Variants in DNAI1 observed in about 807,000 individuals in gnomAD.
The protein encoded by DNAI1 is dynein, axonemal, intermediate polypeptide 1.
DNAI1 carries 67 observed loss-of-function variants against 92.0 expected under a neutral mutation model. That is an observed-to-expected ratio of 0.73 (90% confidence interval 0.60 to 0.89). The LOEUF is 0.89. DNAI1 is among the 40% of genes least tolerant of loss of function. DNAI1 has a pLI of 0.00. For missense variants in DNAI1, 839 were observed against 866.6 expected, an observed-to-expected ratio of 0.97 and a Z score of 0.40; for synonymous variants, 323 against 319.6, an observed-to-expected ratio of 1.01 and a Z score of -0.11.
rs780833485 is a variant in DNAI1, at chr9:34,485,254, C to T, written c.180+14C>T. ...TTGACCGATGCGGTGAGTGAGTAGCCTCTTGTTCTTGCTCCTTGTACCTCT... is the reference window on the plus strand; with the variant it reads ...TTGACCGATGCGGTGAGTGAGTAGCTTCTTGTTCTTGCTCCTTGTACCTCT... On this transcript the variant is annotated intron_variant, in intron 3 of 19. Coordinates refer to ENST00000242317, the MANE Select transcript of DNAI1 (RefSeq NM_012144.4). 10 of 1,613,996 alleles carry T rather than the reference C, an allele frequency of 6.2e-6. No individual in the cohort carries two copies. In the South Asian group the frequency reaches 9.9e-5, roughly 16 times the overall value.
chr9:34,467,335 T>C (rs1824056212), intron 1 of DNAI1, among the ~76,000 whole-genome samples: 1 of 152,190 alleles, frequency 6.6e-6, no homozygotes, highest in South Asian at 2.1e-4. Context: ...TGATGGCTCA[T>C]GGCTGTAATC....
Position 34,490,422 on chromosome 9 carries a change from G to A in DNAI1, c.555G>A (p.Glu185=). ...TGATGACTCCTAAGCAGCCCAAGGA[G>A]AGAAAGCTCACTAACCAGTTCAACT... ...EELMTPKQPK[E]RKLTNQFNFS... is the part of the protein sequence containing the mutation. The change falls in exon 7 of 20, where the codon GAG becomes GAA. Residue 185 remains glutamate, a synonymous_variant. Transcript: ENST00000242317. The A allele has an allele frequency of 6.2e-7, 1 of 1,614,232 alleles. No individual in the cohort carries two copies. The highest frequency in any genetic ancestry group is 1.3e-5 in the African/African-American group (1 of 75,060).
intron 1 of DNAI1, among the ~76,000 whole-genome samples, chr9:34,460,076 C>A (rs75841850): frequency 0.022 from 3,279 of 152,298 alleles, 91 homozygotes; most frequent in East Asian, 0.12. Flanking sequence ...ATGATTCATT[C>A]AGCTATGTGA....
rs1177523418 is a variant in DNAI1 at position 34,501,023 on chromosome 9, G to A, written c.1020-115G>A. 4 of 1,036,208 alleles carry A rather than the reference G, an allele frequency of 3.9e-6. No individual in the cohort carries two copies. The East Asian group carries it at 7.1e-5, about 18-fold the overall frequency. The allele number at this position is 1,036,208 out of a possible 1,614,324, so 64.2% of individuals were successfully genotyped here. ...GGACTCCCAAGTGGTGAGGGCCTAA[G>A]CTGGAGAACAGATGTCTGTAGTATA... On this transcript the variant is annotated intron_variant, in intron 11 of 19. Coordinates refer to ENST00000242317, the MANE Select transcript of DNAI1 (RefSeq NM_012144.4).
chr9:34,466,316 A>T (rs146418969), intron 1 of DNAI1, among the ~76,000 whole-genome samples: 8 of 152,228 alleles, frequency 5.3e-5, no homozygotes, highest in Non-Finnish European at 1.0e-4. Flanking sequence ...TTATTCTTAC[A>T]TCACATCCAT....
intron 1 of DNAI1, among the ~76,000 whole-genome samples, chr9:34,477,924 C>CTT (rs74180566): frequency 1.2e-4 from 6 of 49,016 alleles, no homozygotes; most frequent in African/African-American, 2.2e-4. Context: ...CTCTCTCTCT[C>CTT]TTTTTTTTTT....
chr9:34,480,535 G>C (rs1824331912), intron 1 of DNAI1, among the ~76,000 whole-genome samples: 1 of 151,866 alleles, frequency 6.6e-6, no homozygotes, highest in African/African-American at 2.4e-5. Flanking sequence ...ACCTCAGCCT[G>C]GGATTACAGG....
chr9:34,508,581 G>A (rs1362134919), intron 13 of DNAI1, among the ~76,000 whole-genome samples: 1 of 152,138 alleles, frequency 6.6e-6, no homozygotes, highest in Non-Finnish European at 1.5e-5. Flanking sequence ...GCCCAGCCCT[G>A]CCCCTGCTTT....
chr9:34,490,538 C>T, intron 7 of DNAI1, 50 bp downstream of exon 7: 1 of 1,612,736 alleles, frequency 6.2e-7, no homozygotes, highest in South Asian at 1.1e-5. Flanking sequence ...CTGTGCCTGG[C>T]AGGGAAGAAG....
intron 1 of DNAI1, among the ~76,000 whole-genome samples, chr9:34,473,669 A>T (rs893925410): frequency 6.6e-6 from 1 of 152,106 alleles, no homozygotes; most frequent in Non-Finnish European, 1.5e-5. Context: ...CCTATTAGCA[A>T]TTTTCAAGAA....
At chr9:34,460,743 A>C (rs1016584290) in intron 1 of DNAI1, among the ~76,000 whole-genome samples, 3 of 151,872 alleles carry the variant, frequency 2.0e-5, no homozygotes, top group African/African-American at 4.8e-5. Context: ...GTTCACTGCA[A>C]CCTCCACCTC....
Position 34,491,573 on chromosome 9 carries a change from C to T in DNAI1, c.681+19C>T. Reference sequence around the variant, plus strand: ...CAATCAGGTAAGACCCTGGGCCAGCCTGAAACCTCTTACCACCCACCTCTA... The same window carrying T: ...CAATCAGGTAAGACCCTGGGCCAGCTTGAAACCTCTTACCACCCACCTCTA... On this transcript the variant is annotated intron_variant, in intron 8 of 19. Coordinates refer to ENST00000242317, the MANE Select transcript of DNAI1 (RefSeq NM_012144.4). 6.2e-7 allele frequency: 1 copy of T among 1,614,092 alleles called. No individual in the cohort carries two copies. Among genetic ancestry groups the T allele is most frequent in the Non-Finnish European group, 8.5e-7 (1 of 1,179,970 alleles).
At chr9:34,461,912 A>G (rs1047680442) in intron 1 of DNAI1, among the ~76,000 whole-genome samples, 2 of 152,080 alleles carry the variant, frequency 1.3e-5, no homozygotes, top group South Asian at 4.1e-4. Context: ...ATAAAGGAGG[A>G]TGGGATCCCT....
chr9:34,485,208 A>C lies in DNAI1; in HGVS notation c.148A>C (p.Arg50=). ...ATGGGCCCAATCCAAAGCCACAGTTAGACCCCCTGACCAGCTGGAGTTGAC... is the reference window on the plus strand; with the variant it reads ...ATGGGCCCAATCCAAAGCCACAGTTCGACCCCCTGACCAGCTGGAGTTGAC... ...DEWAQSKATV[R]PPDQLELTDA... Residue 50 remains arginine (R), a synonymous_variant, in exon 3 of 20, where the codon AGA becomes CGA. Transcript: ENST00000242317. 6.2e-7 allele frequency: 1 copy of C among 1,614,214 alleles called. No individual in the cohort carries two copies. The highest frequency in any genetic ancestry group is 1.3e-5 in the African/African-American group (1 of 75,050).
Position 34,514,475 on chromosome 9 carries a change from T to A in DNAI1, c.1651T>A (p.Tyr551Asn). The change falls in exon 17 of 20, where the codon TAC becomes AAC. Residue 551 changes from tyrosine to asparagine, a missense_variant. Physicochemically the swap from Tyr to Asn is moderately radical, Grantham distance 143 (BLOSUM62 -2). Transcript: ENST00000242317. ...AGTGGACACTGTGTCCTGGAACCCATACCACACCAAGGTCTTCATGTCCTG... is the reference window on the plus strand; with the variant it reads ...AGTGGACACTGTGTCCTGGAACCCAAACCACACCAAGGTCTTCATGTCCTG... ...MSVDTVSWNPYHTKVFMSCSS... is the reference protein window; with the variant it reads ...MSVDTVSWNPNHTKVFMSCSS... 6.2e-7 allele frequency: 1 copy of A among 1,614,186 alleles called. No individual in the cohort carries two copies. The highest frequency in any genetic ancestry group is 1.1e-5 in the South Asian group (1 of 91,090).
intron 1 of DNAI1, among the ~76,000 whole-genome samples, chr9:34,462,722 T>C (rs1823972853): frequency 6.6e-6 from 1 of 152,220 alleles, no homozygotes; most frequent in African/African-American, 2.4e-5. Context: ...TTGTATCTGC[T>C]TTGGCAGTAG....
At chr9:34,469,771 C>T (rs368942502) in intron 1 of DNAI1, among the ~76,000 whole-genome samples, 3 of 151,942 alleles carry the variant, frequency 2.0e-5, no homozygotes, top group East Asian at 1.9e-4. Flanking sequence ...GTAGAGACAG[C>T]GTTTCACTAT....
intron 19 of DNAI1, 136 bp from the exon 20 acceptor site, chr9:34,520,522 G>T: frequency 1.3e-6 from 1 of 787,536 alleles, no homozygotes; most frequent in South Asian, 1.5e-5. Context: ...AGGGAGAGGG[G>T]AGGCAGGGAT....
intron 9 of DNAI1, among the ~76,000 whole-genome samples, chr9:34,496,067 A>G (rs986619764): frequency 1.3e-5 from 2 of 152,152 alleles, no homozygotes; most frequent in African/African-American, 4.8e-5. Context: ...ACTGGGTTAG[A>G]CACTAACATG....
Sources: allele counts gnomAD v4.1 joint callset (sites outside exome capture counted in the v4.1 genomes callset), GRCh38; gene constraint gnomAD v4.1.1; transcripts MANE v1.5; gene names NCBI Gene and HGNC (gene_info 2026-07-23, HGNC 2026-07-21).